ABCC4: variants seen among roughly 807,000 people sequenced by gnomAD.
The protein encoded by ABCC4 is ATP binding cassette subfamily C member 4 (PEL blood group).
ABCC4 carries 102 observed loss-of-function variants against 168.5 expected under a neutral mutation model. The observed-to-expected ratio is 0.61, with a 90% CI of 0.52 to 0.71. The LOEUF (loss-of-function observed/expected upper bound fraction) is 0.71. Among genes scored for constraint, ABCC4 ranks in the 30% least tolerant of loss-of-function variants. The pLI, the probability that ABCC4 is intolerant of heterozygous loss-of-function variation, is 0.00. For synonymous variants in ABCC4, 617 were observed against 590.7 expected (o/e 1.04, Z -0.65); for missense variants, 1,402 against 1,605.8 (o/e 0.87, Z 2.17).
At chr13:95,119,481 C>T (rs1279348035) in intron 19 of ABCC4, among the ~76,000 whole-genome samples, 1 of 152,136 alleles carries the variant, frequency 6.6e-6, no homozygotes, top group Admixed American at 6.5e-5. Context: ...CATAATATCA[C>T]ATACAGAGTC....
intron 11 of ABCC4, among the ~76,000 whole-genome samples, chr13:95,185,266 A>T (rs2038022256): frequency 6.6e-6 from 1 of 152,224 alleles, no homozygotes; most frequent in African/African-American, 2.4e-5. Flanking sequence ...AAAAAAAAAT[A>T]AGACCTGGTA....
intron 21 of ABCC4, among the ~76,000 whole-genome samples, chr13:95,081,728 C>T (rs1050583768): frequency 6.6e-6 from 1 of 152,166 alleles, no homozygotes; most frequent in Non-Finnish European, 1.5e-5. Context: ...TGGCCAGGTG[C>T]AGCAGTACAC....
Position 95,277,438 on chromosome 13 carries a change from G to A in ABCC4, c.74+23803C>T, listed in dbSNP as rs140517549. ...TCTACCAAAAATACAAAAATTAGCCGGGCATGGTGGCGGGCGCCTGTAATC... is the reference window on the plus strand; with the variant it reads ...TCTACCAAAAATACAAAAATTAGCCAGGCATGGTGGCGGGCGCCTGTAATC... On this transcript the variant is annotated intron_variant, in intron 1 of 30. Coordinates refer to ENST00000645237, the MANE Select transcript of ABCC4 (RefSeq NM_005845.5). Among the ~76,000 whole-genome samples the A allele has an allele frequency of 9.2e-3, 1,399 of 152,132 alleles. 35 individuals carry two copies. The highest frequency in any genetic ancestry group is 0.086 in the East Asian group (445 of 5,158).
At chr13:95,108,894 T>C (rs2035103356) in intron 20 of ABCC4, among the ~76,000 whole-genome samples, 1 of 152,122 alleles carries the variant, frequency 6.6e-6, no homozygotes, top group Non-Finnish European at 1.5e-5. Flanking sequence ...TGCCCCCATA[T>C]CTTCTTTGCA....
At chr13:95,058,086 C>T (rs1032595793) in intron 26 of ABCC4, among the ~76,000 whole-genome samples, 2 of 152,186 alleles carry the variant, frequency 1.3e-5, no homozygotes, top group Non-Finnish European at 1.5e-5. Context: ...TAAGTGAATA[C>T]ACTCTGTTTC....
chr13:95,149,387 T>C (rs1224612150), intron 19 of ABCC4, among the ~76,000 whole-genome samples: 1 of 152,178 alleles, frequency 6.6e-6, no homozygotes, highest in Non-Finnish European at 1.5e-5. Flanking sequence ...TCATGCTAAG[T>C]AATAGGGAGT....
intron 15 of ABCC4, among the ~76,000 whole-genome samples, chr13:95,165,557 G>A (rs2037243332): frequency 2.0e-5 from 3 of 152,320 alleles, no homozygotes; most frequent in Middle Eastern, 6.8e-3. Context: ...TGGCCACTGG[G>A]AACACCAAGG....
chr13:95,164,109 T>G (rs1442548865), intron 16 of ABCC4, among the ~76,000 whole-genome samples: 6 of 151,442 alleles, frequency 4.0e-5, no homozygotes, highest in African/African-American at 1.5e-4. Context: ...CGCATAGTTC[T>G]TCCAGCTCAG....
At chr13:95,175,730 G>T (rs939260182) in intron 13 of ABCC4, among the ~76,000 whole-genome samples, 5 of 152,170 alleles carry the variant, frequency 3.3e-5, no homozygotes, top group Non-Finnish European at 5.9e-5. Context: ...AGGAGAAAAG[G>T]GTGAGAAGGC....
At chr13:95,226,277 T>C (rs2039464204) in intron 4 of ABCC4, among the ~76,000 whole-genome samples, 1 of 152,034 alleles carries the variant, frequency 6.6e-6, no homozygotes, top group African/African-American at 2.4e-5. Flanking sequence ...AGACTTAGAA[T>C]AGTCAAAACA....
chr13:95,187,995 A>C (rs2038123343), intron 10 of ABCC4, among the ~76,000 whole-genome samples: 1 of 152,220 alleles, frequency 6.6e-6, no homozygotes, highest in Non-Finnish European at 1.5e-5. Flanking sequence ...TTTTACTCCT[A>C]ACACAGGACT....
chr13:95,189,228 G>A (rs957932358), intron 9 of ABCC4, among the ~76,000 whole-genome samples: 1 of 148,446 alleles, frequency 6.7e-6, no homozygotes, highest in Admixed American at 6.8e-5. Context: ...CCGCCTTCCG[G>A]GTTCACGCCA....
chr13:95,178,681 T>C (rs917034503), intron 11 of ABCC4, among the ~76,000 whole-genome samples: 3 of 151,994 alleles, frequency 2.0e-5, no homozygotes, highest in Admixed American at 6.6e-5. Context: ...GCAATATGGA[T>C]GCACACGGAA....
At chr13:95,102,235 TC>T (rs1454172921) in intron 20 of ABCC4, among the ~76,000 whole-genome samples, 2 of 152,076 alleles carry the variant, frequency 1.3e-5, no homozygotes, top group African/African-American at 4.8e-5. Context: ...ACCTCGAACT[TC>T]TGGGCTCAAG....
chr13:95,238,817 A>C (rs985347870), intron 3 of ABCC4, among the ~76,000 whole-genome samples: 1 of 152,192 alleles, frequency 6.6e-6, no homozygotes, highest in Non-Finnish European at 1.5e-5. Context: ...TGGCCTCCCA[A>C]AGTGCTGGGA....
chr13:95,204,733 T>C (rs1156323094), intron 8 of ABCC4, among the ~76,000 whole-genome samples: 1 of 152,202 alleles, frequency 6.6e-6, no homozygotes, highest in African/African-American at 2.4e-5. Flanking sequence ...AAATCATGGT[T>C]CTGAACAGAT....
chr13:95,061,568 G>A (rs2033293624), intron 26 of ABCC4, among the ~76,000 whole-genome samples: 1 of 149,104 alleles, frequency 6.7e-6, no homozygotes, highest in Non-Finnish European at 1.5e-5. Flanking sequence ...TCTCCTCTCT[G>A]TGTTTCTCTT....
chr13:95,253,499 CTT>C (rs951105252), intron 1 of ABCC4, among the ~76,000 whole-genome samples: 1 of 152,002 alleles, frequency 6.6e-6, no homozygotes, highest in Non-Finnish European at 1.5e-5. Flanking sequence ...AATCCCAGCA[CTT>C]TGGGAGGCCG....
At chr13:95,161,479 T>C (rs753434070) in intron 18 of ABCC4, 144 bp from the exon 19 acceptor site, 8 of 548,704 alleles carry the variant, frequency 1.5e-5, no homozygotes, top group Non-Finnish European at 2.0e-5. Context: ...ATAATGTATT[T>C]ACAAAATACA....
Sources: gnomAD v4.1 joint callset for allele counts (sites outside exome capture counted in the v4.1 genomes callset) on GRCh38, gnomAD v4.1.1 for gene constraint, MANE v1.5 for transcripts, NCBI Gene and HGNC (gene_info 2026-07-23, HGNC 2026-07-21) for gene names.